GGA3: variants seen among roughly 807,000 people sequenced by gnomAD.
GGA3 encodes ADP-ribosylation factor-binding protein GGA3.
GGA3 carries 57 observed loss-of-function variants against 77.5 expected under a neutral mutation model. That is an observed-to-expected ratio of 0.74 (90% CI 0.59 to 0.92). GGA3 has a LOEUF of 0.92. GGA3 is among the 40% of genes least tolerant of loss of function. The pLI is 0.00. For missense variants in GGA3, 970 were observed against 914.9 expected (o/e 1.06, Z -0.78); for synonymous variants, 416 against 383.7 (o/e 1.08, Z -0.98).
At chr17:75,244,139 T>C (rs2076672922) in intron 4 of GGA3, among the ~76,000 whole-genome samples, 1 of 152,178 alleles carries the variant, frequency 6.6e-6, no homozygotes, top group Non-Finnish European at 1.5e-5. Flanking sequence ...CTGCATTTTA[T>C]CTTGGGGGTG....
upstream of GGA3, chr17:75,261,893 C>A (rs745826565): frequency 6.2e-7 from 1 of 1,607,728 alleles, no homozygotes; most frequent in Non-Finnish European, 8.5e-7. Flanking sequence ...TCCTCGTGGC[C>A]AGCCAAGATG....
In GGA3 at chr17:75,246,765, C is replaced by T. The variant is rs1026761369; in HGVS notation, c.72G>A (p.Glu24=). ...NKATNPSNRQ[E]DWEYIIGFCD... ...AGAAGCCAATTATGTATTCCCAGTC[C>T]TCCTGGCGGTTGGAAGGATTGGTGG... The change falls in exon 2 of 17, where the codon GAG becomes GAA. Residue 24 remains glutamate (E), a synonymous_variant. Transcript: ENST00000537686. 2.5e-6 allele frequency: 4 copies of T among 1,613,500 alleles called. No individual in the cohort carries two copies. The highest frequency in any genetic ancestry group is 3.3e-5 in the Admixed American group (2 of 60,006).
At position 75,239,863 on chromosome 17, in the gene GGA3, G is replaced by A. The variant is rs773455510; in HGVS notation, c.1509C>T (p.His503=). Residue 503 remains histidine (H), a synonymous_variant, in exon 13 of 17, where the codon CAC becomes CAT. Coordinates refer to ENST00000537686, the MANE Select transcript of GGA3 (RefSeq NM_138619.4). ...APKVEPAVPG[H]HGLALGNSAL... is the part of the protein sequence containing the mutation. ...CGCTGTTGCCCAACGCCAAGCCATG[G>A]TGCCCAGGGACTGCGGGCTCAACTT... 2 of 1,613,914 alleles carry A rather than the reference G, an allele frequency of 1.2e-6. No individual in the cohort carries two copies. The highest frequency in any genetic ancestry group is 2.2e-5 in the East Asian group (1 of 44,890).
intron 5 of GGA3, 48 bp from the exon 6 acceptor site, chr17:75,243,214 T>TCAC: frequency 7.3e-7 from 1 of 1,374,058 alleles, no homozygotes; most frequent in Non-Finnish European, 1.0e-6. Context: ...GGTTGCCTTG[T>TCAC]CACCCCTCCT....
At chr17:75,261,380 G>A (rs555098663) in intron 1 of GGA3, among the ~76,000 whole-genome samples, 168 bp downstream of exon 1, 1 of 152,244 alleles carries the variant, frequency 6.6e-6, no homozygotes, top group East Asian at 1.9e-4. Context: ...ACTGGGGCCC[G>A]GCGCCCTGAT....
At position 75,248,706 on chromosome 17, in the gene GGA3, A is replaced by G. The variant is rs188926383; in HGVS notation, c.41-1910T>C. 3.1e-3 allele frequency: 752 copies of G among 238,912 alleles called. 9 individuals are homozygous for G. Among genetic ancestry groups the G allele is most frequent in the African/African-American group, 0.016 (707 of 43,688 alleles). 14.8% of individuals were successfully genotyped at this position (238,912 alleles called of 1,614,324 possible). On this transcript the variant is annotated intron_variant, in intron 1 of 16. Transcript: ENST00000537686. ...GAGGCTGAGGCAGGAAAATCGCTTG[A>G]ACCTGGGAGGCAGAGGTTGCCTTGA...
chr17:75,261,994 G>T, upstream of GGA3: 1 of 1,503,632 alleles, frequency 6.7e-7, no homozygotes. Flanking sequence ...GTGAGAGGGT[G>T]GCGAGCAGCG....
chr17:75,237,269 A>C lies in GGA3; in HGVS notation c.*1010T>G. ...GACAGTGCCCCTCAGTAGCTGGGGA[A>C]CAGTTGAGGTTTCTGGGCAGCACAT... On this transcript the variant is annotated 3_prime_UTR_variant, in exon 17 of 17. Transcript: ENST00000537686. 3.3e-6 allele frequency: 2 copies of C among 604,240 alleles called. No individual in the cohort carries two copies. The highest frequency in any genetic ancestry group is 5.9e-6 in the Non-Finnish European group (2 of 338,058). The allele number at this position is 604,240 out of a possible 1,614,324, so 37.4% of individuals were successfully genotyped here. A position where few individuals can be genotyped will look rare whatever the true frequency, so the allele number is the denominator to read the frequency against.
intron 4 of GGA3, 26 bp from the exon 5 acceptor site, chr17:75,243,596 C>T: frequency 1.2e-6 from 2 of 1,611,726 alleles, no homozygotes; most frequent in Non-Finnish European, 1.7e-6. Context: ...AAATGAGGAC[C>T]TAGTAAGTGC....
At chr17:75,252,755 ATT>A (rs1023372551) in intron 1 of GGA3, among the ~76,000 whole-genome samples, 8 of 152,280 alleles carry the variant, frequency 5.3e-5, no homozygotes, top group African/African-American at 1.9e-4. Flanking sequence ...CAGCATTGTG[ATT>A]TGTTTCTGCC....
chr17:75,254,456 G>A (rs1466688473), intron 1 of GGA3, among the ~76,000 whole-genome samples: 1 of 152,114 alleles, frequency 6.6e-6, no homozygotes, highest in Non-Finnish European at 1.5e-5. Context: ...GAAGCGTTTA[G>A]GCTCTTTTTC....
At chr17:75,259,682 G>A (rs1426875392) in intron 1 of GGA3, among the ~76,000 whole-genome samples, 1 of 152,190 alleles carries the variant, frequency 6.6e-6, no homozygotes, top group African/African-American at 2.4e-5. Flanking sequence ...AGAGGCTTCT[G>A]CAACAATTCA....
chr17:75,257,075 G>T (rs149349861), intron 1 of GGA3, among the ~76,000 whole-genome samples: 2 of 151,698 alleles, frequency 1.3e-5, no homozygotes, highest in East Asian at 3.9e-4. Context: ...AAAGCAGAAC[G>T]GACTAAAGGT....
chr17:75,241,882 ATGTT>A, intron 8 of GGA3, 186 bp from the exon 9 acceptor site: 3 of 629,348 alleles, frequency 4.8e-6, no homozygotes, highest in Non-Finnish European at 8.6e-6. Flanking sequence ...ATCACCCAGG[ATGTT>A]TGTCTAGGTA....
intron 11 of GGA3, 44 bp from the exon 12 acceptor site, chr17:75,240,456 A>G: frequency 7.6e-7 from 1 of 1,316,620 alleles, no homozygotes; most frequent in Non-Finnish European, 1.1e-6. Flanking sequence ...GCTCTGAGCT[A>G]GGCAGCCCTA....
At chr17:75,241,920 G>A in intron 8 of GGA3, 1 of 588,814 alleles carries the variant, frequency 1.7e-6, no homozygotes. Flanking sequence ...TGGGTCAGGG[G>A]AAGTCAGTCC....
In GGA3 at chr17:75,242,883, T is replaced by G. The variant is rs1437917007; in HGVS notation, c.557A>C (p.Asn186Thr). ...GTTGGCCTCCTGCAGGTCATCTGGG[T>G]TTTTGCTTTTCAGCAGCTTGGCTAA... Reference protein sequence around the residue: ...KLLAKLLKSKNPDDLQEANKL... With the variant: ...KLLAKLLKSKTPDDLQEANKL... The change falls in exon 7 of 17, where the codon AAC (asparagine) becomes ACC (threonine). Residue 186 changes from asparagine (N) to threonine (T), a missense_variant. Asn to Thr is a moderately conservative substitution (Grantham distance 65). Coordinates refer to ENST00000537686, the MANE Select transcript of GGA3 (RefSeq NM_138619.4). The G allele has an allele frequency of 1.2e-6, 2 of 1,613,488 alleles. No individual in the cohort carries two copies. The highest frequency in any genetic ancestry group is 1.7e-5 in the Admixed American group (1 of 59,998).
chr17:75,240,471 C>A, intron 11 of GGA3, 59 bp from the exon 12 acceptor site: 2 of 1,151,600 alleles, frequency 1.7e-6, no homozygotes, highest in East Asian at 2.4e-5. Context: ...GCCCTAGCCC[C>A]GCCTTGCCTG....
chr17:75,241,322 A>C lies in GGA3; in HGVS notation c.946+78T>G, dbSNP rs9890848. ...CTTGTGCAACACCACCACGCTGGCCAGCCTACACCCGCAGCTTCATGATAG... is the reference window on the plus strand; with the variant it reads ...CTTGTGCAACACCACCACGCTGGCCCGCCTACACCCGCAGCTTCATGATAG... On this transcript the variant is annotated intron_variant, in intron 10 of 16. Coordinates refer to ENST00000537686, the MANE Select transcript of GGA3 (RefSeq NM_138619.4). 12,891 of 957,000 alleles carry C rather than the reference A, an allele frequency of 0.013. 1,017 individuals are homozygous for C. In the African/African-American group the frequency reaches 0.17, roughly 13 times the overall value. The allele number at this position is 957,000 out of a possible 1,614,324, so 59.3% of individuals were successfully genotyped here.
Sources: allele counts gnomAD v4.1 joint callset (sites outside exome capture counted in the v4.1 genomes callset), GRCh38; gene constraint gnomAD v4.1.1; transcripts MANE v1.5; gene names NCBI Gene and HGNC (gene_info 2026-07-23, HGNC 2026-07-21).